Variants in SLC27A5 observed in about 807,000 individuals in gnomAD.
SLC27A5 encodes long-chain fatty acid transport protein 5.
Under a neutral mutation model 63.1 loss-of-function variants are expected in SLC27A5, and 47 were observed. That is an observed-to-expected ratio of 0.74 (90% confidence interval 0.59 to 0.95). The LOEUF (loss-of-function observed/expected upper bound fraction) is 0.95, where lower values mean the gene tolerates loss of function less well. Ranked by LOEUF, SLC27A5 falls within the 40% of genes least tolerant of loss-of-function variation. The pLI is 0.00. For synonymous variants in SLC27A5, 391 were observed against 403.8 expected (o/e 0.97, Z 0.38); for missense variants, 940 against 921.0 (o/e 1.02, Z -0.27).
intron 4 of SLC27A5, 37 bp downstream of exon 4, chr19:58,501,249 G>C (rs750979851): frequency 7.0e-5 from 112 of 1,601,606 alleles, no homozygotes; most frequent in Non-Finnish European, 9.1e-5. Flanking sequence ...TTTCATACTT[G>C]GGTGTTCACC....
At chr19:58,510,560 C>T (rs1185210140) in intron 2 of SLC27A5, 161 bp downstream of exon 2, 4 of 656,826 alleles carry the variant, frequency 6.1e-6, no homozygotes, top group Non-Finnish European at 7.5e-6. Flanking sequence ...GGCGACAGAG[C>T]GAGACTCTGC....
intron 2 of SLC27A5, 188 bp downstream of exon 2, chr19:58,510,533 C>T (rs2053397848): frequency 5.5e-6 from 3 of 543,286 alleles, no homozygotes; most frequent in Non-Finnish European, 9.6e-6. Context: ...GAGATTGCAC[C>T]ACTGCAGTCC....
chr19:58,508,631 A>T (rs531840740), intron 3 of SLC27A5: 13 of 151,490 alleles, frequency 8.6e-5, no homozygotes, highest in African/African-American at 3.1e-4. Flanking sequence ...GTGGCTTTTT[A>T]AAATTTTTTT....
At chr19:58,505,859 A>C (rs1235267649) in intron 3 of SLC27A5, among the ~76,000 whole-genome samples, 1 of 151,082 alleles carries the variant, frequency 6.6e-6, no homozygotes, top group Non-Finnish European at 1.5e-5. Flanking sequence ...AAAAAAAAAA[A>C]AAAAAACATT....
In SLC27A5 at chr19:58,499,105, A is replaced by C; in HGVS notation, c.1765+18T>G. ...ACCCACAAAGCTGTTGGAAGTTTAA[A>C]ATGAGAACCCTCCGCACCTGGCACG... On this transcript the variant is annotated intron_variant, in intron 8 of 9. Transcript: ENST00000263093. 1 of 1,613,706 alleles carries C rather than the reference A, an allele frequency of 6.2e-7. No individual in the cohort carries two copies. The highest frequency in any genetic ancestry group is 8.5e-7 in the Non-Finnish European group (1 of 1,179,820).
intron 3 of SLC27A5, among the ~76,000 whole-genome samples, chr19:58,504,840 C>G (rs2053326751): frequency 6.8e-6 from 1 of 146,966 alleles, no homozygotes; most frequent in Non-Finnish European, 1.5e-5. Flanking sequence ...CCTGTCTCTA[C>G]TAAAAATACA....
intron 3 of SLC27A5, 48 bp from the exon 4 acceptor site, chr19:58,501,458 T>G (rs2053273290): frequency 1.9e-6 from 3 of 1,594,360 alleles, no homozygotes; most frequent in Non-Finnish European, 2.6e-6. Flanking sequence ...TCCAAATTGT[T>G]GTAAGAAGCT....
At position 58,500,379 on chromosome 19, in the gene SLC27A5, A is replaced by G. The variant is rs1458783846; in HGVS notation, c.1428T>C (p.Pro476=). Residue 476 remains proline (P), a synonymous_variant, in exon 6 of 10, where the codon CCT becomes CCC. Coordinates refer to ENST00000263093, the MANE Select transcript of SLC27A5 (RefSeq NM_012254.3). ...LVQFDMEAAE[P]VRDNQGFCIP... ...TGCAGAAGCCCTGATTGTCCCTCAC[A>G]GGCTCCGCCGCCTCCATGTCGAACT... 7.4e-6 allele frequency: 12 copies of G among 1,613,566 alleles called. No individual in the cohort carries two copies. The highest frequency in any genetic ancestry group is 1.7e-5 in the Admixed American group (1 of 59,972).
chr19:58,509,650 A>C, intron 3 of SLC27A5, 197 bp downstream of exon 3: 1 of 508,002 alleles, frequency 2.0e-6, no homozygotes, highest in South Asian at 3.1e-5. Context: ...TCCTGACCAA[A>C]GCATGGCCAT....
At position 58,511,801 on chromosome 19, in the gene SLC27A5, G is replaced by T. The variant is rs1387812006; in HGVS notation, c.155C>A (p.Ala52Glu). The T allele has an allele frequency of 1.3e-6, 2 of 1,557,090 alleles. No homozygotes were observed. The highest frequency in any genetic ancestry group is 2.7e-5 in the African/African-American group (2 of 73,486). ...CACCCAGGGGCCGAGCCAGGGCCGT[G>T]CTAACATGGCCAGCCCAAGTAGCAC... is the stretch of plus-strand genomic sequence containing the variant. ...CCVLLGLAML[A>E]RPWLGPWVPH... The change falls in exon 1 of 10, where the codon GCA becomes GAA. Residue 52 changes from alanine (A) to glutamate (E), a missense_variant. By Grantham distance (107) the Ala-to-Glu change is moderately radical. Coordinates refer to ENST00000263093, the MANE Select transcript of SLC27A5 (RefSeq NM_012254.3).
intron 3 of SLC27A5, among the ~76,000 whole-genome samples, chr19:58,505,632 TC>T (rs2053336491): frequency 7.3e-6 from 1 of 136,570 alleles, no homozygotes; most frequent in Non-Finnish European, 1.6e-5. Context: ...TCACCTGAGG[TC>T]GGGAGTTTGA....
chr19:58,499,955 C>T (rs1348768854), intron 6 of SLC27A5, among the ~76,000 whole-genome samples: 1 of 151,992 alleles, frequency 6.6e-6, no homozygotes, highest in South Asian at 2.1e-4. Context: ...GGATGGAAGA[C>T]GGACAGACAA....
intron 4 of SLC27A5, 164 bp downstream of exon 4, chr19:58,501,122 G>T: frequency 8.1e-7 from 1 of 1,238,422 alleles, no homozygotes; most frequent in Non-Finnish European, 1.1e-6. Flanking sequence ...AGCTATCAAA[G>T]AAACCATTAT....
At chr19:58,499,437 C>A in intron 7 of SLC27A5, 55 bp downstream of exon 7, 2 of 1,585,426 alleles carry the variant, frequency 1.3e-6, no homozygotes, top group Non-Finnish European at 8.6e-7. Flanking sequence ...CCTCTAGGAT[C>A]TGAAAGCGTC....
chr19:58,507,860 A>G lies in SLC27A5; in HGVS notation c.1057+1987T>C, dbSNP rs1446292981. Reference sequence around the variant, plus strand: ...CTCCTGCAGTACCCTCAGGCTTACTAGGGTGGGGAAAAACCCCGCCCTGGT... The same window carrying G: ...CTCCTGCAGTACCCTCAGGCTTACTGGGGTGGGGAAAAACCCCGCCCTGGT... On this transcript the variant is annotated intron_variant, in intron 3 of 9. Transcript: ENST00000263093. 4 of 152,106 alleles carry G rather than the reference A, an allele frequency of 2.6e-5. No homozygotes were observed. In the East Asian group the frequency reaches 5.8e-4, roughly 22 times the overall value. The allele number at this position is 152,106 out of a possible 1,614,324, so 9.4% of individuals were successfully genotyped here.
chr19:58,499,608 C>CA lies in SLC27A5; in HGVS notation c.1550_1551insT (p.Lys518GlufsTer64). ...ATTGCCGCACGTTGCGCACCAGCTT[C>CA]CGTTCCGACAGCTCTCGGGGGCCGC... On this transcript the variant is annotated frameshift_variant, in exon 7 of 10. Coordinates refer to ENST00000263093, the MANE Select transcript of SLC27A5 (RefSeq NM_012254.3). LOFTEE classifies it high-confidence loss of function. 6.2e-7 allele frequency: 1 copy of CA among 1,613,112 alleles called. No homozygotes were observed. The highest frequency in any genetic ancestry group is 1.6e-4 in the Middle Eastern group (1 of 6,062).
rs752870959 is a variant in SLC27A5 at position 58,500,624 on chromosome 19, C to T, written c.1265G>A (p.Arg422His). 2.9e-5 allele frequency: 47 copies of T among 1,614,160 alleles called. No homozygotes were observed. The highest frequency in any genetic ancestry group is 1.6e-4 in the African/African-American group (12 of 75,060). Residue 422 changes from arginine to histidine, a missense_variant, in exon 5 of 10, where the codon CGC becomes CAC. By Grantham distance (29) the Arg-to-His change is conservative. Coordinates refer to ENST00000263093, the MANE Select transcript of SLC27A5 (RefSeq NM_012254.3). ...TTCCCAGATCCGAATAGGACCGAAG[C>T]GCTGCTGGAAGGTCTCCCACACATC... ...RADVWETFQQ[R>H]FGPIRIWEVY...
intron 4 of SLC27A5, chr19:58,500,972 A>G: frequency 7.5e-7 from 1 of 1,335,184 alleles, no homozygotes. Flanking sequence ...CTGGGGTCTC[A>G]CCTAAGAGTA....
rs775453374 is a variant in SLC27A5, at chr19:58,511,508, C to T, written c.448G>A (p.Ala150Thr). ...AGSVTFGELDARACQAAWALK... is the reference protein window; with the variant it reads ...AGSVTFGELDTRACQAAWALK... ...GCCCATGCCGCCTGGCAGGCCCGGG[C>T]ATCCAGCTCACCAAAGGTGACTGAG... The change falls in exon 1 of 10, where the codon GCC (alanine) becomes ACC (threonine). Residue 150 changes from alanine (A) to threonine (T), a missense_variant. Ala to Thr is a moderately conservative substitution (Grantham distance 58, BLOSUM62 0). Transcript: ENST00000263093. The T allele has an allele frequency of 1.6e-4, 245 of 1,571,676 alleles. 1 individual carries two copies. The highest frequency in any genetic ancestry group is 3.2e-4 in the Admixed American group (17 of 53,404).
Sources: allele counts gnomAD v4.1 joint callset (sites outside exome capture counted in the v4.1 genomes callset), GRCh38; gene constraint gnomAD v4.1.1; transcripts MANE v1.5; gene names NCBI Gene and HGNC (gene_info 2026-07-23, HGNC 2026-07-21).